DPH6: variants seen among roughly 807,000 people sequenced by gnomAD.
DPH6 encodes diphthine--ammonia ligase.
Under a neutral mutation model 38.2 loss-of-function variants are expected in DPH6, and 33 were observed. That is an observed-to-expected ratio of 0.86 (90% confidence interval 0.65 to 1.15). The LOEUF (loss-of-function observed/expected upper bound fraction) is 1.15. DPH6 is among the 50% of genes most tolerant of loss of function. The pLI is 0.00. For synonymous variants in DPH6, 108 were observed against 103.0 expected (o/e 1.05, Z -0.30); for missense variants, 325 against 320.0 (o/e 1.02, Z -0.12).
intron 3 of DPH6, chr15:35,237,207 G>C (rs2589528): frequency 0.88 from 718,089 of 812,834 alleles, 318,592 homozygotes; most frequent in East Asian, 1. Flanking sequence ...GCGTGTGCCG[G>C]GGGTGCTGGG....
chr15:35,163,647 G>A, the DPH6 span, among the ~76,000 whole-genome samples: 1 of 151,812 alleles, frequency 6.6e-6, no homozygotes, highest in African/African-American at 2.4e-5. Context: ...AAGAATAAAA[G>A]GGCAAGCACA....
At chr15:35,224,463 A>C (rs114722771) in intron 3 of DPH6, among the ~76,000 whole-genome samples, 4,896 of 152,210 alleles carry the variant, frequency 0.032, 271 homozygotes, top group African/African-American at 0.11. Flanking sequence ...TTGTTCATCC[A>C]CTCATCTAAT....
At chr15:35,400,832 A>C (rs1401028479) in intron 6 of DPH6, 2 of 772,382 alleles carry the variant, frequency 2.6e-6, no homozygotes, top group East Asian at 4.9e-5. Context: ...ATAATGAGAG[A>C]TCCAAACACC....
intron 3 of DPH6, among the ~76,000 whole-genome samples, chr15:35,238,749 A>G (rs532744967): frequency 1.4e-4 from 22 of 152,142 alleles, no homozygotes; most frequent in African/African-American, 4.8e-4. Flanking sequence ...CCCCGCCTTA[A>G]CTGATGACAT....
chr15:35,180,392 AACACACACACACACAC>A, the DPH6 span, among the ~76,000 whole-genome samples: 36 of 140,598 alleles, frequency 2.6e-4, no homozygotes, highest in South Asian at 1.9e-3. Context: ...TTGGTTTTAA[AACACACACACACACAC>A]ACACACACAC....
chr15:35,282,779 C>CA (rs539273261), intron 3 of DPH6: 52 of 337,888 alleles, frequency 1.5e-4, no homozygotes, highest in African/African-American at 1.1e-3. Flanking sequence ...TCATCCCTTC[C>CA]AAAAAATCCA....
intron 3 of DPH6, among the ~76,000 whole-genome samples, chr15:35,254,066 G>A (rs1334344520): frequency 2.0e-5 from 3 of 152,146 alleles, no homozygotes; most frequent in African/African-American, 7.2e-5. Flanking sequence ...ACCTCCCTAA[G>A]CTACACTAGA....
intron 3 of DPH6, among the ~76,000 whole-genome samples, chr15:35,500,147 T>C (rs1300952915): frequency 6.6e-6 from 1 of 152,158 alleles, no homozygotes; most frequent in East Asian, 1.9e-4. Flanking sequence ...AATAAATATA[T>C]CAGTCCATGC....
chr15:35,148,944 G>C, the DPH6 span, among the ~76,000 whole-genome samples: 1 of 152,098 alleles, frequency 6.6e-6, no homozygotes, highest in African/African-American at 2.4e-5. Flanking sequence ...CTTCATTAAA[G>C]AATGTTTTGC....
chr15:35,449,114 CTA>C (rs956784158), intron 5 of DPH6, among the ~76,000 whole-genome samples: 2 of 150,296 alleles, frequency 1.3e-5, no homozygotes, highest in Non-Finnish European at 3.0e-5. Flanking sequence ...TTATATGTTT[CTA>C]TGTCTTCAGA....
At chr15:35,368,987 A>G (rs534443177), downstream of DPH6, among the ~76,000 whole-genome samples, 1 of 151,810 alleles carries the variant, frequency 6.6e-6, no homozygotes, top group Non-Finnish European at 1.5e-5. Context: ...TGAAAAAGAA[A>G]AGAATGGACC....
At chr15:35,357,907 T>C (rs1349007880) in intron 3 of DPH6, among the ~76,000 whole-genome samples, 1 of 152,224 alleles carries the variant, frequency 6.6e-6, no homozygotes, top group Non-Finnish European at 1.5e-5. Context: ...TTCTTTGTGC[T>C]TCTTGTATTT....
the DPH6 span, among the ~76,000 whole-genome samples, chr15:35,184,444 T>C: frequency 8.5e-4 from 129 of 152,314 alleles, 3 homozygotes; most frequent in East Asian, 0.022. Flanking sequence ...CCTCAAAGCC[T>C]GTAGCAGAGC....
chr15:35,272,677 G>C (rs1049375429), intron 3 of DPH6, among the ~76,000 whole-genome samples: 12 of 152,204 alleles, frequency 7.9e-5, no homozygotes, highest in African/African-American at 2.9e-4. Flanking sequence ...GGGAGGCCGA[G>C]GCAGGTGGAT....
chr15:35,484,098 C>G (rs77955394), intron 3 of DPH6, among the ~76,000 whole-genome samples: 2,784 of 152,228 alleles, frequency 0.018, 86 homozygotes, highest in African/African-American at 0.062. Context: ...ACTCTAAAAA[C>G]TAAATTATTG....
chr15:35,237,751 CA>C, intron 3 of DPH6: 1 of 1,612,768 alleles, frequency 6.2e-7, no homozygotes, highest in Non-Finnish European at 8.5e-7. Flanking sequence ...TCCTGCAACT[CA>C]CATATCTTGA....
chr15:35,332,406 A>C (rs1000372817), intron 3 of DPH6, among the ~76,000 whole-genome samples: 2 of 152,308 alleles, frequency 1.3e-5, no homozygotes, highest in Middle Eastern at 6.8e-3. Flanking sequence ...GAATGAATTA[A>C]ATGGAAAGTA....
At chr15:35,157,341 G>C in the DPH6 span, among the ~76,000 whole-genome samples, 28 of 152,066 alleles carry the variant, frequency 1.8e-4, no homozygotes, top group African/African-American at 6.8e-4. Context: ...GCATTTTTAA[G>C]ATAATGTAAC....
chr15:35,286,441 T>A (rs2051944298), intron 3 of DPH6, among the ~76,000 whole-genome samples: 1 of 152,176 alleles, frequency 6.6e-6, no homozygotes, highest in Non-Finnish European at 1.5e-5. Flanking sequence ...TCACTCTCCA[T>A]CCCTATGGGA....
Sources: allele counts gnomAD v4.1 joint callset (sites outside exome capture counted in the v4.1 genomes callset), GRCh38; gene constraint gnomAD v4.1.1; transcripts MANE v1.5; gene names NCBI Gene and HGNC (gene_info 2026-07-23, HGNC 2026-07-21).